TRIM27: variants seen among roughly 807,000 people sequenced by gnomAD.
The protein encoded by TRIM27 is tripartite motif containing 27.
TRIM27 carries 12 observed loss-of-function variants against 57.6 expected under a neutral mutation model. That is an observed-to-expected ratio of 0.21 (90% confidence interval 0.13 to 0.34). The LOEUF is 0.34. Ranked by LOEUF, TRIM27 falls within the 10% of genes least tolerant of loss-of-function variation. The pLI is 1.00. For synonymous variants in TRIM27, 266 were observed against 259.0 expected (o/e 1.03, Z -0.26); for missense variants, 403 against 656.8 (o/e 0.61, Z 4.22).
chr6:28,916,137 G>A (rs893077043), intron 3 of TRIM27, among the ~76,000 whole-genome samples: 11 of 151,864 alleles, frequency 7.2e-5, no homozygotes, highest in African/African-American at 2.7e-4. Flanking sequence ...GGCTGGTCTC[G>A]AACTCCTGAC....
chr6:28,923,923 G>C lies in TRIM27; in HGVS notation c.-291C>G. On this transcript the variant is annotated 5_prime_UTR_variant, in exon 1 of 8. Coordinates refer to ENST00000377199, the MANE Select transcript of TRIM27 (RefSeq NM_006510.5). ...GGGTAGCCGAGGGTCAGAGTCCCAG[G>C]GCCAGGCGGGCAAAGCGCGCAAGAC... 2.4e-6 allele frequency: 1 copy of C among 410,110 alleles called. No individual in the cohort carries two copies. 25.4% of individuals were successfully genotyped at this position (410,110 alleles called of 1,614,324 possible). A position where few individuals can be genotyped will look rare whatever the true frequency, so the allele number is the denominator to read the frequency against.
At chr6:28,910,706 T>A (rs761267141) in intron 4 of TRIM27, among the ~76,000 whole-genome samples, 19 of 152,136 alleles carry the variant, frequency 1.2e-4, no homozygotes, top group Middle Eastern at 3.4e-3. Context: ...CCAAATTCAA[T>A]CCTTAATGTC....
intron 3 of TRIM27, chr6:28,915,271 CATCT>C (rs1773514589): frequency 7.0e-6 from 1 of 143,182 alleles, no homozygotes; most frequent in Admixed American, 7.2e-5. Context: ...TTTCATGCTC[CATCT>C]GTTTAAAAAA....
At position 28,923,653 on chromosome 6, in the gene TRIM27, C is replaced by T. The variant is rs1381717796; in HGVS notation, c.-21G>A. ...GCCATGGCGCCGGCCTGCGGGGGCG[C>T]ACGGGCATGGGCCCCGGCGCCGAGC... On this transcript the variant is annotated 5_prime_UTR_variant, in exon 1 of 8. Transcript: ENST00000377199. 126 of 1,529,602 alleles carry T rather than the reference C, an allele frequency of 8.2e-5. No homozygotes were observed. Among genetic ancestry groups the T allele is most frequent in the Non-Finnish European group, 1.1e-4 (125 of 1,133,636 alleles). The allele number at this position is 1,529,602 out of a possible 1,614,324, so 94.8% of individuals were successfully genotyped here. A position where few individuals can be genotyped will look rare whatever the true frequency, so the allele number is the denominator to read the frequency against.
At chr6:28,915,293 T>TAAAAAAAAAAAAAA (rs9256952) in intron 3 of TRIM27, 2 of 111,980 alleles carry the variant, frequency 1.8e-5, no homozygotes, top group Non-Finnish European at 3.6e-5. Flanking sequence ...AAAATATTCT[T>TAAAAAAAAAAAAAA]AAAAAAAAAA....
intron 6 of TRIM27, chr6:28,907,680 C>T (rs1772869991): frequency 2.2e-6 from 1 of 457,868 alleles, no homozygotes; most frequent in East Asian, 4.7e-5. Flanking sequence ...CTGGGGTAAA[C>T]ATGACCATTC....
chr6:28,908,485 A>C, intron 6 of TRIM27: 1 of 336,688 alleles, frequency 3.0e-6, no homozygotes, highest in East Asian at 5.5e-5. Context: ...CACTGGCTCA[A>C]GTGAAACGTA....
At chr6:28,914,198 C>T (rs370182506) in intron 3 of TRIM27, among the ~76,000 whole-genome samples, 3 of 146,800 alleles carry the variant, frequency 2.0e-5, no homozygotes, top group Non-Finnish European at 3.0e-5. Flanking sequence ...TGAAATGGTG[C>T]GATCTCAGCT....
intron 1 of TRIM27, among the ~76,000 whole-genome samples, chr6:28,922,709 T>C (rs1774141267): frequency 6.6e-6 from 1 of 152,102 alleles, no homozygotes. Flanking sequence ...ATCTCCTGAG[T>C]CTCAGAGTGG....
Position 28,923,638 on chromosome 6 carries a change from C to G in TRIM27, c.-6G>C, listed in dbSNP as rs774766773. On this transcript the variant is annotated 5_prime_UTR_variant, in exon 1 of 8. Coordinates refer to ENST00000377199, the MANE Select transcript of TRIM27 (RefSeq NM_006510.5). The stretch of plus-strand genomic sequence containing the variant: ...GCCACACTCCCGGAGGCCATGGCGC[C>G]GGCCTGCGGGGGCGCACGGGCATGG... 2.9e-5 allele frequency: 45 copies of G among 1,561,466 alleles called. No individual in the cohort carries two copies. Among genetic ancestry groups the G allele is most frequent in the Admixed American group, 9.1e-5 (5 of 55,204 alleles).
In TRIM27 at chr6:28,908,815, T is replaced by A; in HGVS notation, c.912A>T (p.Lys304Asn). 6.2e-7 allele frequency: 1 copy of A among 1,613,908 alleles called. No homozygotes were observed. The highest frequency in any genetic ancestry group is 8.5e-7 in the Non-Finnish European group (1 of 1,179,890). The change falls in exon 6 of 8, where the codon AAA (lysine) becomes AAT (asparagine). Residue 304 changes from lysine (K) to asparagine (N), a missense_variant. Physicochemically the swap from Lys to Asn is moderately conservative, Grantham distance 94. Coordinates refer to ENST00000377199, the MANE Select transcript of TRIM27 (RefSeq NM_006510.5). ...FTEKMQSDMEKIQELREAQLY... is the reference protein window; with the variant it reads ...FTEKMQSDMENIQELREAQLY... Reference sequence around the variant, plus strand: ...GTAGGTAGATAAATTTACCTTGGATTTTCTCCATATCTGACTGCATTTTTT... The same window carrying A: ...GTAGGTAGATAAATTTACCTTGGATATTCTCCATATCTGACTGCATTTTTT...
chr6:28,907,601 A>C (rs776210129), intron 6 of TRIM27: 6 of 586,978 alleles, frequency 1.0e-5, no homozygotes, highest in Non-Finnish European at 2.0e-5. Flanking sequence ...CACGTCATAC[A>C]TAACTTTTGA....
At chr6:28,921,846 G>T (rs756911590) in intron 2 of TRIM27, 46 bp downstream of exon 2, 1 of 1,426,108 alleles carries the variant, frequency 7.0e-7, no homozygotes, top group African/African-American at 1.4e-5. Flanking sequence ...CTCTACAGAA[G>T]AGGAGAGCAC....
chr6:28,908,802 A>G lies in TRIM27; in HGVS notation c.919+6T>C, dbSNP rs190509969. 1.8e-3 allele frequency: 2,967 copies of G among 1,613,734 alleles called. 7 individuals are homozygous for G. Among genetic ancestry groups the G allele is most frequent in the Middle Eastern group, 9.6e-3 (58 of 6,060 alleles). On this transcript the variant is annotated splice_donor_region_variant and intron_variant, in intron 6 of 7. Transcript: ENST00000377199. ...CATCAAAAGCCCAGTAGGTAGATAA[A>G]TTTACCTTGGATTTTCTCCATATCT...
At position 28,923,924 on chromosome 6, in the gene TRIM27, G is replaced by C. The variant is rs1477632048; in HGVS notation, c.-292C>G. 1 of 408,750 alleles carries C rather than the reference G, an allele frequency of 2.4e-6. No homozygotes were observed. The highest frequency in any genetic ancestry group is 2.1e-5 in the African/African-American group (1 of 48,368). The allele number at this position is 408,750 out of a possible 1,614,324, so 25.3% of individuals were successfully genotyped here. A position where few individuals can be genotyped will look rare whatever the true frequency, so the allele number is the denominator to read the frequency against. On this transcript the variant is annotated 5_prime_UTR_variant, in exon 1 of 8. Coordinates refer to ENST00000377199, the MANE Select transcript of TRIM27 (RefSeq NM_006510.5). ...GGTAGCCGAGGGTCAGAGTCCCAGG[G>C]CCAGGCGGGCAAAGCGCGCAAGACA... is the stretch of plus-strand genomic sequence containing the variant.
chr6:28,908,901 C>G, intron 5 of TRIM27, 61 bp from the exon 6 acceptor site: 1 of 1,606,452 alleles, frequency 6.2e-7, no homozygotes. Flanking sequence ...GGAAAATTAT[C>G]CTCTTCATCA....
intron 3 of TRIM27, among the ~76,000 whole-genome samples, chr6:28,913,212 G>T (rs1371874265): frequency 6.8e-6 from 1 of 147,262 alleles, no homozygotes; most frequent in Non-Finnish European, 1.5e-5. Context: ...CTGAGATCTT[G>T]CCATTGTACT....
chr6:28,922,371 T>A (rs1420588684), intron 1 of TRIM27, among the ~76,000 whole-genome samples: 1 of 152,218 alleles, frequency 6.6e-6, no homozygotes, highest in African/African-American at 2.4e-5. Flanking sequence ...GAAAGTGACT[T>A]ATTTCCCTCA....
At chr6:28,922,545 C>T (rs2150495180) in intron 1 of TRIM27, among the ~76,000 whole-genome samples, 1 of 152,312 alleles carries the variant, frequency 6.6e-6, no homozygotes, top group African/African-American at 2.4e-5. Flanking sequence ...AAGCCCTCAA[C>T]GTACAGAAAA....
Sources: gnomAD v4.1 joint callset for allele counts (sites outside exome capture counted in the v4.1 genomes callset) on GRCh38, gnomAD v4.1.1 for gene constraint, MANE v1.5 for transcripts, NCBI Gene and HGNC (gene_info 2026-07-23, HGNC 2026-07-21) for gene names.